Variants in NEGR1 observed in about 807,000 individuals in gnomAD.
The protein encoded by NEGR1 is neuronal growth regulator 1, also known as IgLON family member 4.
NEGR1 carries 10 observed loss-of-function variants against 40.9 expected under a neutral mutation model. The ratio of observed to expected loss-of-function variants is 0.24; its 90% confidence interval spans 0.15 to 0.42. The LOEUF (loss-of-function observed/expected upper bound fraction) is 0.42. Ranked by LOEUF, NEGR1 falls within the 10% of genes least tolerant of loss-of-function variation. The probability of loss-of-function intolerance (pLI) is 1.00; values close to 1 mark genes in which losing one functional copy is unlikely to be tolerated. For synonymous variants in NEGR1, 185 were observed against 166.8 expected, an observed-to-expected ratio of 1.11 and a Z score of -0.84; for missense variants, 352 against 438.9, an observed-to-expected ratio of 0.80 and a Z score of 1.77.
At chr1:71,692,910 G>A (rs72944103) in intron 4 of NEGR1, among the ~76,000 whole-genome samples, 5 of 151,832 alleles carry the variant, frequency 3.3e-5, no homozygotes, top group African/African-American at 9.6e-5. Flanking sequence ...CTAAAAACGT[G>A]TGTACAAAAT....
chr1:71,474,717 C>CAAAAAAAAAAAAA (rs56219737), intron 6 of NEGR1, among the ~76,000 whole-genome samples: 67 of 85,960 alleles, frequency 7.8e-4, no homozygotes, highest in Non-Finnish European at 1.1e-3. Context: ...GACTCTATCT[C>CAAAAAAAAAAAAA]AAAAAAAAAA....
intron 3 of NEGR1, among the ~76,000 whole-genome samples, chr1:71,746,576 G>GT (rs1655389833): frequency 1.4e-5 from 2 of 147,940 alleles, no homozygotes; most frequent in Admixed American, 6.7e-5. Flanking sequence ...TTTTTTTCTT[G>GT]TTAATTCTCC....
chr1:72,196,188 G>T (rs187281050), intron 1 of NEGR1, among the ~76,000 whole-genome samples: 191 of 152,040 alleles, frequency 1.3e-3, no homozygotes, highest in Non-Finnish European at 2.4e-3. Flanking sequence ...AAAACTTTTT[G>T]AGCACCAACA....
At chr1:72,263,605 T>A (rs1429243703) in intron 1 of NEGR1, among the ~76,000 whole-genome samples, 2 of 151,634 alleles carry the variant, frequency 1.3e-5, no homozygotes, top group Admixed American at 6.6e-5. Context: ...TTAAAATTGC[T>A]TCTTAAAAGT....
At chr1:71,780,307 A>G (rs934332600) in intron 2 of NEGR1, among the ~76,000 whole-genome samples, 3 of 152,228 alleles carry the variant, frequency 2.0e-5, no homozygotes, top group Admixed American at 2.0e-4. Context: ...AGTTATAAAG[A>G]AATATATTGA....
chr1:71,614,931 C>T (rs899504736), intron 4 of NEGR1, among the ~76,000 whole-genome samples: 7 of 151,600 alleles, frequency 4.6e-5, no homozygotes, highest in African/African-American at 1.7e-4. Flanking sequence ...TGATGGACAC[C>T]GAAAATGGAA....
intron 2 of NEGR1, among the ~76,000 whole-genome samples, chr1:71,851,454 G>A (rs777606864): frequency 6.6e-6 from 1 of 152,034 alleles, no homozygotes; most frequent in Non-Finnish European, 1.5e-5. Context: ...TTTTACTACA[G>A]TTATGCATAG....
chr1:71,712,883 A>G (rs1412515145), intron 3 of NEGR1, among the ~76,000 whole-genome samples: 1 of 152,058 alleles, frequency 6.6e-6, no homozygotes, highest in Non-Finnish European at 1.5e-5. Context: ...CTCTCCTGCC[A>G]CCATGTGAAG....
chr1:72,193,720 GATAC>G (rs1652903734), intron 1 of NEGR1, among the ~76,000 whole-genome samples: 2 of 150,850 alleles, frequency 1.3e-5, no homozygotes, highest in South Asian at 4.2e-4. Context: ...CTTTTATACA[GATAC>G]ATACAATCTG....
intron 1 of NEGR1, among the ~76,000 whole-genome samples, chr1:72,085,741 G>A (rs1049314504): frequency 3.9e-5 from 6 of 152,002 alleles, no homozygotes; most frequent in Admixed American, 2.0e-4. Context: ...AGGCTGAGGC[G>A]GGTGGATCAC....
At position 71,787,560 on chromosome 1, in the gene NEGR1, A is replaced by AT. The variant is rs200960239; in HGVS notation, c.410-11264dup. Reference sequence around the variant, plus strand: ...CTAGAACTTAAGACTGGAAATATTAATTTTTTTTTTGTAGCTTACAATCTC... The same window carrying AT: ...CTAGAACTTAAGACTGGAAATATTAATTTTTTTTTTTGTAGCTTACAATCTC... On this transcript the variant is annotated intron_variant, in intron 2 of 6. Coordinates refer to ENST00000357731, the MANE Select transcript of NEGR1 (RefSeq NM_173808.3). Among the ~76,000 whole-genome samples the AT allele has an allele frequency of 3.1e-3, 467 of 150,412 alleles. 4 individuals carry two copies. The highest frequency in any genetic ancestry group is 8.6e-3 in the African/African-American group (354 of 41,048).
At chr1:71,746,328 A>T (rs1289016328) in intron 3 of NEGR1, among the ~76,000 whole-genome samples, 1 of 152,216 alleles carries the variant, frequency 6.6e-6, no homozygotes, top group East Asian at 1.9e-4. Flanking sequence ...TAAGGCTGCA[A>T]GAGGCAAGAG....
intron 4 of NEGR1, among the ~76,000 whole-genome samples, chr1:71,622,350 A>T (rs1237391997): frequency 1.8e-4 from 27 of 151,972 alleles, no homozygotes; most frequent in Admixed American, 1.8e-3. Context: ...CAGCAAGTAC[A>T]ATCTTGTAAA....
intron 6 of NEGR1, among the ~76,000 whole-genome samples, chr1:71,505,286 T>C (rs559241933): frequency 6.6e-6 from 1 of 151,840 alleles, no homozygotes; most frequent in Non-Finnish European, 1.5e-5. Flanking sequence ...TGTTTCTTTT[T>C]CTTTTTTTTT....
intron 4 of NEGR1, among the ~76,000 whole-genome samples, chr1:71,685,617 G>A (rs10789320): frequency 0.98 from 149,785 of 152,330 alleles, 73,681 homozygotes; most frequent in Middle Eastern, 1. Flanking sequence ...ACCGCAGGCC[G>A]AGGTTACTTT....
At chr1:72,104,639 G>A (rs1025552606) in intron 1 of NEGR1, among the ~76,000 whole-genome samples, 2 of 151,998 alleles carry the variant, frequency 1.3e-5, no homozygotes, top group Non-Finnish European at 2.9e-5. Flanking sequence ...CACAACAGCA[G>A]GAACCAATAT....
At chr1:71,490,707 C>T (rs760307507) in intron 6 of NEGR1, among the ~76,000 whole-genome samples, 11 of 151,890 alleles carry the variant, frequency 7.2e-5, no homozygotes, top group African/African-American at 1.2e-4. Flanking sequence ...ACTGATGAAA[C>T]GAAACACAGA....
At chr1:72,124,948 A>G (rs1167383385) in intron 1 of NEGR1, among the ~76,000 whole-genome samples, 1 of 152,058 alleles carries the variant, frequency 6.6e-6, no homozygotes, top group Non-Finnish European at 1.5e-5. Context: ...TTTTTTCTTA[A>G]CAAAAATATT....
intron 3 of NEGR1, among the ~76,000 whole-genome samples, chr1:71,735,195 G>A (rs1395614661): frequency 3.9e-5 from 6 of 152,034 alleles, no homozygotes; most frequent in Admixed American, 3.3e-4. Context: ...TTAAAATGCA[G>A]CCAGGTTTAG....
Sources: gnomAD v4.1 joint callset for allele counts (sites outside exome capture counted in the v4.1 genomes callset) on GRCh38, gnomAD v4.1.1 for gene constraint, MANE v1.5 for transcripts, NCBI Gene and HGNC (gene_info 2026-07-23, HGNC 2026-07-21) for gene names.